The following SLC22A25 variants were observed in gnomAD, a reference collection of about 807,000 sequenced individuals.
SLC22A25 encodes the protein solute carrier family 22 member 25, also known as MGI:2442751, MGI:2385316, MGI:3042283, MGI:3645714, MGI:3605624, MGI:2442750.
A neutral mutation model predicts 45.9 loss-of-function variants in SLC22A25; 44 were observed. That is an observed-to-expected ratio of 0.96 (90% CI 0.75 to 1.23). SLC22A25 has a LOEUF of 1.23. SLC22A25 is among the 50% of genes most tolerant of loss of function. The pLI is 0.00. For synonymous variants in SLC22A25, 283 were observed against 238.6 expected, an observed-to-expected ratio of 1.19 and a Z score of -1.72; for missense variants, 800 against 666.4, an observed-to-expected ratio of 1.20 and a Z score of -2.21.
At chr11:63,235,416 C>G (rs895789485) in intron 3 of SLC22A25, among the ~76,000 whole-genome samples, 2 of 152,182 alleles carry the variant, frequency 1.3e-5, no homozygotes, top group African/African-American at 4.8e-5. Context: ...CACTCATACC[C>G]TTTCTTCCAG....
In SLC22A25 at chr11:63,180,649, A is replaced by C. The variant is rs768621845; in HGVS notation, c.1070+11T>G. Reference sequence around the variant, plus strand: ...TATTTTAACATTCCTCACACACTGCATGAAACTTACCTCACAAAGGACAGG... The same window carrying C: ...TATTTTAACATTCCTCACACACTGCCTGAAACTTACCTCACAAAGGACAGG... On this transcript the variant is annotated intron_variant, in intron 9 of 11. Transcript: ENST00000306494. 6.3e-7 allele frequency: 1 copy of C among 1,593,124 alleles called. No individual in the cohort carries two copies. Among genetic ancestry groups the C allele is most frequent in the Non-Finnish European group, 8.6e-7 (1 of 1,164,844 alleles).
chr11:63,181,227 GA>G (rs1317005590), intron 8 of SLC22A25, among the ~76,000 whole-genome samples: 2 of 152,032 alleles, frequency 1.3e-5, no homozygotes, highest in Non-Finnish European at 1.5e-5. Context: ...TCTTGTTTCA[GA>G]AATGCTGGAG....
chr11:63,173,234 G>C (rs1043985559), intron 9 of SLC22A25, among the ~76,000 whole-genome samples: 1 of 151,776 alleles, frequency 6.6e-6, no homozygotes, highest in Non-Finnish European at 1.5e-5. Flanking sequence ...GGGGGCAAGG[G>C]GTGGGAGAGC....
Position 63,217,699 on chromosome 11 carries a change from G to C in SLC22A25, c.543C>G (p.Leu181=). Residue 181 remains leucine, a synonymous_variant, in exon 6 of 12, where the codon CTC becomes CTG. Coordinates refer to ENST00000306494, the MANE Select transcript of SLC22A25 (RefSeq NM_199352.6). ...CACAGGTGCCTACAATGGCGAGCTG[G>C]AGGTAAGACCATCTGAGCACGAACT... ...GRKFVLRWSY[L]QLAIVGTCAA... is the part of the protein sequence containing the mutation. 6.2e-7 allele frequency: 1 copy of C among 1,613,688 alleles called. No homozygotes were observed. Among genetic ancestry groups the C allele is most frequent in the Non-Finnish European group, 8.5e-7 (1 of 1,179,910 alleles).
chr11:63,189,717 G>A (rs899626255), intron 7 of SLC22A25, among the ~76,000 whole-genome samples: 2 of 152,186 alleles, frequency 1.3e-5, no homozygotes, highest in Non-Finnish European at 1.5e-5. Flanking sequence ...GCTTCCTTCA[G>A]GAGCTCTTTT....
At chr11:63,164,676 G>A in intron 10 of SLC22A25, 42 bp from the exon 11 acceptor site, 1 of 1,488,192 alleles carries the variant, frequency 6.7e-7, no homozygotes, top group Non-Finnish European at 9.4e-7. Flanking sequence ...AATCTGAGCT[G>A]AAGGAATCAG....
intron 9 of SLC22A25, among the ~76,000 whole-genome samples, chr11:63,169,576 T>G (rs1399451951): frequency 6.6e-6 from 1 of 152,148 alleles, no homozygotes; most frequent in Non-Finnish European, 1.5e-5. Flanking sequence ...AGAAGGGCAT[T>G]ACATAATGAT....
intron 7 of SLC22A25, among the ~76,000 whole-genome samples, chr11:63,206,470 C>A (rs1014961708): frequency 1.2e-4 from 19 of 152,172 alleles, no homozygotes; most frequent in African/African-American, 4.6e-4. Context: ...GCAAAAATCA[C>A]AAGCATTCCT....
At position 63,164,560 on chromosome 11, in the gene SLC22A25, C is replaced by CA; in HGVS notation, c.1359dup (p.Ala454CysfsTer5). ...GAAGGAATTAGTTCATTTTCTTGGG[C>CA]AGTAGAACAGGTAATGCCAAGAGAA... On this transcript the variant is annotated frameshift_variant, in exon 11 of 12. Coordinates refer to ENST00000306494, the MANE Select transcript of SLC22A25 (RefSeq NM_199352.6). LOFTEE classifies it low-confidence loss of function (END_TRUNC). 1 of 1,613,800 alleles carries CA rather than the reference C, an allele frequency of 6.2e-7. No individual in the cohort carries two copies. Among genetic ancestry groups the CA allele is most frequent in the Non-Finnish European group, 8.5e-7 (1 of 1,179,812 alleles).
chr11:63,188,556 T>C (rs2088660938), intron 7 of SLC22A25, among the ~76,000 whole-genome samples: 1 of 152,242 alleles, frequency 6.6e-6, no homozygotes, highest in Admixed American at 6.5e-5. Context: ...TCAGTTCTGC[T>C]CTGATCTTAG....
rs2087530155 is a variant in SLC22A25, at chr11:63,161,161, C to A, written c.*2663G>T. 6.6e-6 allele frequency among the ~76,000 whole-genome samples: 1 copy of A among 152,124 alleles called. No individual in the cohort carries two copies. Among genetic ancestry groups the A allele is most frequent in the Non-Finnish European group, 1.5e-5 (1 of 68,024 alleles). ...CCTTTTATCTAGGTACAGCCTCATC[C>A]TTTTGTTTTGGTCAATTTCTCCCAT... On this transcript the variant is annotated 3_prime_UTR_variant, in exon 12 of 12. Coordinates refer to ENST00000306494, the MANE Select transcript of SLC22A25 (RefSeq NM_199352.6).
chr11:63,179,466 T>C (rs892391522), intron 9 of SLC22A25, among the ~76,000 whole-genome samples: 1 of 152,158 alleles, frequency 6.6e-6, no homozygotes, highest in African/African-American at 2.4e-5. Flanking sequence ...TCTGTGAAAG[T>C]ATCTTCTCTG....
chr11:63,215,659 G>A (rs969922255), intron 7 of SLC22A25, among the ~76,000 whole-genome samples: 4 of 151,974 alleles, frequency 2.6e-5, no homozygotes, highest in Admixed American at 1.3e-4. Context: ...ACATGTGAAC[G>A]TTTGTTACAC....
chr11:63,218,072 C>T (rs12417255), intron 5 of SLC22A25: 198,038 of 498,986 alleles, frequency 0.4, 41,097 homozygotes, highest in East Asian at 0.58. Flanking sequence ...AAAAGATACA[C>T]GCACTCACAT....
chr11:63,219,295 C>CA (rs80106452), intron 5 of SLC22A25, among the ~76,000 whole-genome samples: 56,520 of 151,862 alleles, frequency 0.37, 10,749 homozygotes, highest in East Asian at 0.56. Context: ...GCAATTTTAC[C>CA]AACTGCTATA....
At chr11:63,213,525 T>TTAA (rs1006946919) in intron 7 of SLC22A25, among the ~76,000 whole-genome samples, 1 of 152,084 alleles carries the variant, frequency 6.6e-6, no homozygotes, top group African/African-American at 2.4e-5. Context: ...AGGTCAGAAG[T>TTAA]TAATAGTTCG....
chr11:63,196,384 G>A (rs2089031363), intron 7 of SLC22A25, among the ~76,000 whole-genome samples: 1 of 152,122 alleles, frequency 6.6e-6, no homozygotes, highest in Non-Finnish European at 1.5e-5. Context: ...GAATCCAGCA[G>A]CACATCAAAA....
At chr11:63,209,969 A>G (rs1270770509) in intron 7 of SLC22A25, among the ~76,000 whole-genome samples, 1 of 152,216 alleles carries the variant, frequency 6.6e-6, no homozygotes, top group African/African-American at 2.4e-5. Context: ...GGCTGCAGCT[A>G]TATAGAAAGG....
At chr11:63,187,923 G>C (rs1389631035) in intron 7 of SLC22A25, among the ~76,000 whole-genome samples, 1 of 152,178 alleles carries the variant, frequency 6.6e-6, no homozygotes, top group Non-Finnish European at 1.5e-5. Flanking sequence ...TAAGCTTTTT[G>C]ATGTGTTGCT....
Sources: allele counts gnomAD v4.1 joint callset (sites outside exome capture counted in the v4.1 genomes callset), GRCh38; gene constraint gnomAD v4.1.1; transcripts MANE v1.5; gene names NCBI Gene and HGNC (gene_info 2026-07-23, HGNC 2026-07-21).